SS18: variants seen among roughly 807,000 people sequenced by gnomAD.
The protein encoded by SS18 is protein SSXT.
SS18 carries 28 observed loss-of-function variants against 72.5 expected under a neutral mutation model. The ratio of observed to expected loss-of-function variants is 0.39; its 90% CI spans 0.29 to 0.53. The LOEUF is 0.53. SS18 is among the 20% of genes least tolerant of loss of function. The probability of loss-of-function intolerance (pLI) is 0.76; values close to 1 mark genes in which losing one functional copy is unlikely to be tolerated. For synonymous variants in SS18, 172 were observed against 164.2 expected (o/e 1.05, Z -0.37); for missense variants, 518 against 535.3 (o/e 0.97, Z 0.32).
At chr18:26,087,332 G>A (rs752855340) in intron 2 of SS18, among the ~76,000 whole-genome samples, 169 bp downstream of exon 2, 1 of 152,096 alleles carries the variant, frequency 6.6e-6, no homozygotes, top group East Asian at 1.9e-4. Flanking sequence ...ACTGACTCAC[G>A]TAATACCAGC....
upstream of SS18, chr18:26,090,894 T>A (rs2054716206): frequency 2.7e-6 from 1 of 373,726 alleles, no homozygotes; most frequent in Non-Finnish European, 4.8e-6. Flanking sequence ...CTTCAGCGAT[T>A]CAGGAAATGG....
At chr18:26,085,581 C>T (rs13381584) in intron 2 of SS18, among the ~76,000 whole-genome samples, 9,728 of 152,002 alleles carry the variant, frequency 0.064, 869 homozygotes, top group African/African-American at 0.2. Flanking sequence ...TATCTATAAA[C>T]GTGTATGCAT....
intron 2 of SS18, among the ~76,000 whole-genome samples, chr18:26,082,147 A>G (rs2054535772): frequency 6.6e-6 from 1 of 152,118 alleles, no homozygotes; most frequent in South Asian, 2.1e-4. Flanking sequence ...TATATTTAGT[A>G]TTTTATTTTT....
chr18:26,039,365 T>C lies in SS18; in HGVS notation c.699A>G (p.Gly233=). 3 of 1,613,892 alleles carry C rather than the reference T, an allele frequency of 1.9e-6. No individual in the cohort carries two copies. The highest frequency in any genetic ancestry group is 1.1e-5 in the South Asian group (1 of 91,062). The change falls in exon 6 of 11, where the codon GGA becomes GGG. Residue 233 remains glycine (G), a synonymous_variant. Transcript: ENST00000415083. ...QHYQGQQPPM[G]MMGQVNQGNH... ...TGCCTTGGTTAACTTGACCCATCAT[T>C]CCCATAGGTGGCTGCTGTCCTTGGT...
chr18:26,080,061 G>A lies in SS18; in HGVS notation c.147-1901C>T, dbSNP rs547868757. ...TCACATGGACACTATGTTGCCCAAT[G>A]AGACATGATACATCTTTGATAGTGA... On this transcript the variant is annotated intron_variant, in intron 2 of 10. Coordinates refer to ENST00000415083, the MANE Select transcript of SS18 (RefSeq NM_001007559.3). 3.9e-4 allele frequency among the ~76,000 whole-genome samples: 59 copies of A among 152,224 alleles called. 1 individual carries two copies. The highest frequency in any genetic ancestry group is 1.2e-3 in the Admixed American group (18 of 15,294).
chr18:26,084,049 C>T (rs887775722), intron 2 of SS18: 1 of 151,924 alleles, frequency 6.6e-6, no homozygotes, highest in Admixed American at 6.6e-5. Context: ...GGTGACTACC[C>T]ACCTGCACAG....
At chr18:26,081,301 CT>C (rs1265401188) in intron 2 of SS18, 1 of 152,264 alleles carries the variant, frequency 6.6e-6, no homozygotes, top group African/African-American at 2.4e-5. Context: ...AGTGATTCTC[CT>C]GCCTCAGCCT....
chr18:26,087,531 T>C lies in SS18; in HGVS notation c.116A>G (p.Gln39Arg). ...NHLIQCIMDS[Q>R]NKGKTSECSQ... ...ACACTCTGAGGTCTTTCCTTTATTC[T>C]GAGAGTCCATTATACACTGAATAAG... is the stretch of plus-strand genomic sequence containing the variant. Residue 39 changes from glutamine to arginine, a missense_variant, in exon 2 of 11, where the codon CAG (glutamine) becomes CGG (arginine). Coordinates refer to ENST00000415083, the MANE Select transcript of SS18 (RefSeq NM_001007559.3). The C allele has an allele frequency of 6.3e-7, 1 of 1,598,056 alleles. No individual in the cohort carries two copies. Among genetic ancestry groups the C allele is most frequent in the Non-Finnish European group, 8.5e-7 (1 of 1,170,046 alleles).
At chr18:26,018,793 C>T (rs1272430181) in intron 10 of SS18, among the ~76,000 whole-genome samples, 2 of 152,050 alleles carry the variant, frequency 1.3e-5, no homozygotes, top group East Asian at 1.9e-4. Context: ...ATAATTATTA[C>T]AAATGAACAT....
At chr18:26,086,801 C>T (rs2054622918) in intron 2 of SS18, among the ~76,000 whole-genome samples, 1 of 152,114 alleles carries the variant, frequency 6.6e-6, no homozygotes, top group African/African-American at 2.4e-5. Flanking sequence ...ACTCAATACC[C>T]TATATAAATG....
chr18:26,073,034 C>T (rs1360602914), intron 3 of SS18, among the ~76,000 whole-genome samples: 1 of 151,916 alleles, frequency 6.6e-6, no homozygotes, highest in East Asian at 1.9e-4. Flanking sequence ...AGTGGCTAAA[C>T]AATACATATT....
intron 1 of SS18, chr18:26,090,239 A>C: frequency 2.0e-6 from 1 of 504,748 alleles, no homozygotes. Context: ...CCCCATCCCT[A>C]GAGAAATCAG....
intron 10 of SS18, among the ~76,000 whole-genome samples, chr18:26,021,299 G>T (rs2053345955): frequency 6.6e-6 from 1 of 152,136 alleles, no homozygotes; most frequent in Non-Finnish European, 1.5e-5. Context: ...TCTGACAAGG[G>T]TAATTATAAT....
chr18:26,060,965 A>G (rs1483276670), intron 3 of SS18, among the ~76,000 whole-genome samples: 1 of 150,798 alleles, frequency 6.6e-6, no homozygotes, highest in Non-Finnish European at 1.5e-5. Context: ...CAAAAAAAAA[A>G]AAAACAGATT....
chr18:26,032,385 G>A lies in SS18; in HGVS notation c.1230+14C>T. The stretch of plus-strand genomic sequence containing the variant: ...AAACAATGTGGCAATTCTGCAGCCG[G>A]TCAAACTACTTACCTGGTCATATCC... On this transcript the variant is annotated intron_variant, in intron 10 of 10. Coordinates refer to ENST00000415083, the MANE Select transcript of SS18 (RefSeq NM_001007559.3). The A allele has an allele frequency of 6.2e-7, 1 of 1,608,740 alleles. No individual in the cohort carries two copies. The highest frequency in any genetic ancestry group is 8.5e-7 in the Non-Finnish European group (1 of 1,178,256).
chr18:26,031,791 G>A (rs756948618), intron 10 of SS18, among the ~76,000 whole-genome samples: 3 of 152,216 alleles, frequency 2.0e-5, no homozygotes, highest in Admixed American at 6.5e-5. Context: ...AACAGAGGGC[G>A]GAAAGTTTTA....
intron 3 of SS18, among the ~76,000 whole-genome samples, chr18:26,075,490 T>C (rs1316359322): frequency 6.6e-6 from 1 of 151,954 alleles, no homozygotes; most frequent in Non-Finnish European, 1.5e-5. Flanking sequence ...CTTATAATCA[T>C]CTCATTCGAT....
At chr18:26,068,876 A>G (rs1402687562) in intron 3 of SS18, among the ~76,000 whole-genome samples, 1 of 152,226 alleles carries the variant, frequency 6.6e-6, no homozygotes, top group Non-Finnish European at 1.5e-5. Flanking sequence ...TTTTAAGTAT[A>G]TATTTAAATA....
intron 10 of SS18, among the ~76,000 whole-genome samples, chr18:26,027,312 C>A (rs2053462033): frequency 6.6e-6 from 1 of 151,938 alleles, no homozygotes; most frequent in Non-Finnish European, 1.5e-5. Flanking sequence ...TGTTTATGGA[C>A]AACTGATTTT....
Sources: gnomAD v4.1 joint callset for allele counts (sites outside exome capture counted in the v4.1 genomes callset) on GRCh38, gnomAD v4.1.1 for gene constraint, MANE v1.5 for transcripts, NCBI Gene and HGNC (gene_info 2026-07-23, HGNC 2026-07-21) for gene names.